BTBD9: variants seen among roughly 807,000 people sequenced by gnomAD.
BTBD9 encodes the protein BTB/POZ domain-containing protein 9.
Under a neutral mutation model 64.3 loss-of-function variants are expected in BTBD9, and 49 were observed. The ratio of observed to expected loss-of-function variants is 0.76; its 90% CI spans 0.61 to 0.97. The LOEUF (loss-of-function observed/expected upper bound fraction) is 0.97, where lower values mean the gene tolerates loss of function less well. BTBD9 is among the 50% of genes least tolerant of loss of function. The pLI, the probability that BTBD9 is intolerant of heterozygous loss-of-function variation, is 0.00. For missense variants in BTBD9, 598 were observed against 762.1 expected (o/e 0.78, Z 2.53); for synonymous variants, 260 against 274.7 (o/e 0.95, Z 0.53).
intron 6 of BTBD9, among the ~76,000 whole-genome samples, chr6:38,443,770 G>A (rs1417207214): frequency 3.9e-5 from 6 of 151,950 alleles, no homozygotes; most frequent in African/African-American, 1.5e-4. Flanking sequence ...TTGTTGCTAC[G>A]ACCTTAGCCT....
At chr6:38,207,799 A>G (rs1011520488) in intron 9 of BTBD9, among the ~76,000 whole-genome samples, 2 of 152,210 alleles carry the variant, frequency 1.3e-5, no homozygotes, top group Admixed American at 1.3e-4. Flanking sequence ...ATAACATTAA[A>G]TATATTTTTT....
At chr6:38,260,203 T>C (rs1278237506) in intron 8 of BTBD9, among the ~76,000 whole-genome samples, 6 of 152,202 alleles carry the variant, frequency 3.9e-5, no homozygotes. Flanking sequence ...GTTCCATATA[T>C]GTTCTGGATT....
intron 6 of BTBD9, among the ~76,000 whole-genome samples, chr6:38,566,886 A>AG (rs1378843850): frequency 2.0e-5 from 3 of 152,250 alleles, no homozygotes; most frequent in Non-Finnish European, 4.4e-5. Flanking sequence ...ATTAAATGGA[A>AG]GGCAGATGGT....
chr6:38,533,554 C>T (rs945761345), intron 6 of BTBD9, among the ~76,000 whole-genome samples: 1 of 152,290 alleles, frequency 6.6e-6, no homozygotes, highest in Non-Finnish European at 1.5e-5. Flanking sequence ...CTAATAAATA[C>T]TTACAGAAAA....
intron 1 of BTBD9, among the ~76,000 whole-genome samples, chr6:38,623,720 C>T (rs986074674): frequency 1.3e-5 from 2 of 152,222 alleles, no homozygotes; most frequent in African/African-American, 4.8e-5. Context: ...CTTTCTAGGT[C>T]CCATGACAGT....
intron 6 of BTBD9, among the ~76,000 whole-genome samples, chr6:38,576,463 G>A (rs1776037023): frequency 6.6e-6 from 1 of 152,162 alleles, no homozygotes; most frequent in African/African-American, 2.4e-5. Context: ...AAAAATGTAG[G>A]CAACGTTCTT....
chr6:38,223,895 T>C (rs973915085), intron 9 of BTBD9, among the ~76,000 whole-genome samples: 1 of 152,152 alleles, frequency 6.6e-6, no homozygotes, highest in African/African-American at 2.4e-5. Flanking sequence ...ATAGTTTTTT[T>C]GGAGTGACTA....
chr6:38,623,270 T>C (rs1778052069), intron 1 of BTBD9, among the ~76,000 whole-genome samples: 2 of 152,110 alleles, frequency 1.3e-5, no homozygotes, highest in Non-Finnish European at 2.9e-5. Flanking sequence ...CCCAGGAAAT[T>C]AGACTCTATC....
At chr6:38,498,683 T>C (rs1333756806) in intron 6 of BTBD9, among the ~76,000 whole-genome samples, 2 of 152,188 alleles carry the variant, frequency 1.3e-5, no homozygotes, top group East Asian at 3.9e-4. Context: ...ACCATCCAAT[T>C]TCAAAATTAT....
chr6:38,556,533 G>A (rs1388075210), intron 6 of BTBD9, among the ~76,000 whole-genome samples: 1 of 51,628 alleles, frequency 1.9e-5, no homozygotes, highest in Non-Finnish European at 3.6e-5. Context: ...GTGTGTGTGT[G>A]TGTGTGTGTG....
chr6:38,616,586 G>A (rs1253460238), intron 1 of BTBD9, among the ~76,000 whole-genome samples: 1 of 152,094 alleles, frequency 6.6e-6, no homozygotes, highest in Non-Finnish European at 1.5e-5. Flanking sequence ...GAACTTTCCT[G>A]TCTTACAAGA....
At chr6:38,448,221 G>C (rs1427553528) in intron 6 of BTBD9, among the ~76,000 whole-genome samples, 4 of 152,136 alleles carry the variant, frequency 2.6e-5, no homozygotes, top group Admixed American at 1.3e-4. Context: ...CTGGAATGAG[G>C]GGAAAGCACA....
At chr6:38,562,543 A>G (rs142110190) in intron 6 of BTBD9, among the ~76,000 whole-genome samples, 1 of 152,228 alleles carries the variant, frequency 6.6e-6, no homozygotes, top group Non-Finnish European at 1.5e-5. Flanking sequence ...CTACTTGCTT[A>G]ATCAATATTA....
intron 6 of BTBD9, among the ~76,000 whole-genome samples, chr6:38,469,571 C>T (rs1383423887): frequency 2.0e-5 from 3 of 152,064 alleles, no homozygotes; most frequent in Non-Finnish European, 4.4e-5. Flanking sequence ...CCGCCCATCT[C>T]GGCCTCCAAA....
chr6:38,185,141 G>T (rs1192674214), intron 10 of BTBD9, among the ~76,000 whole-genome samples: 1 of 148,730 alleles, frequency 6.7e-6, no homozygotes, highest in African/African-American at 2.5e-5. Flanking sequence ...AGGATCACTC[G>T]ATCCGTTTTA....
intron 6 of BTBD9, among the ~76,000 whole-genome samples, chr6:38,564,310 A>G (rs1775387276): frequency 6.6e-6 from 1 of 152,122 alleles, no homozygotes; most frequent in African/African-American, 2.4e-5. Context: ...GTGTGTTCAA[A>G]ACTCCCCACT....
intron 6 of BTBD9, among the ~76,000 whole-genome samples, chr6:38,455,468 C>A (rs1769753908): frequency 6.6e-6 from 1 of 152,220 alleles, no homozygotes. Flanking sequence ...CCGTGCCCAG[C>A]CTCATTTTGC....
chr6:38,584,875 TCAAA>T, intron 4 of BTBD9, among the ~76,000 whole-genome samples: 1 of 152,124 alleles, frequency 6.6e-6, no homozygotes, highest in South Asian at 2.1e-4. Context: ...GTACTGGCAC[TCAAA>T]CATACCACAG....
At chr6:38,262,361 TCTAA>T (rs1291018192) in intron 8 of BTBD9, among the ~76,000 whole-genome samples, 1 of 152,184 alleles carries the variant, frequency 6.6e-6, no homozygotes, top group Non-Finnish European at 1.5e-5. Flanking sequence ...CACAAACCTC[TCTAA>T]CTAATGAGCA....
Sources: allele counts gnomAD v4.1 joint callset (sites outside exome capture counted in the v4.1 genomes callset), GRCh38; gene constraint gnomAD v4.1.1; transcripts MANE v1.5; gene names NCBI Gene and HGNC (gene_info 2026-07-23, HGNC 2026-07-21).